The following KIAA0825 variants were observed in gnomAD, a reference collection of about 807,000 sequenced individuals.
KIAA0825 encodes KIAA0825.
In KIAA0825, 119 loss-of-function variants were observed where a neutral mutation model predicts 147.6. That is an observed-to-expected ratio of 0.81 (90% CI 0.69 to 0.94). The LOEUF (loss-of-function observed/expected upper bound fraction) is 0.94, where lower values mean the gene tolerates loss of function less well. KIAA0825 is among the 40% of genes least tolerant of loss of function. The pLI, the probability that KIAA0825 is intolerant of heterozygous loss-of-function variation, is 0.00. For missense variants in KIAA0825, 1,381 were observed against 1,472.7 expected (o/e 0.94, Z 1.02); for synonymous variants, 470 against 518.1 (o/e 0.91, Z 1.26).
At chr5:94,220,157 G>A (rs1773556099) in intron 20 of KIAA0825, among the ~76,000 whole-genome samples, 1 of 150,948 alleles carries the variant, frequency 6.6e-6, no homozygotes, top group African/African-American at 2.4e-5. Context: ...AATTTTTTTT[G>A]TTAAAAACTA....
chr5:94,588,457 T>C (rs555810768), intron 1 of KIAA0825, among the ~76,000 whole-genome samples: 1 of 152,270 alleles, frequency 6.6e-6, no homozygotes, highest in Non-Finnish European at 1.5e-5. Flanking sequence ...TCAATGGTCA[T>C]CAGAAAAATG....
At chr5:94,541,766 T>G (rs944310197) in intron 2 of KIAA0825, among the ~76,000 whole-genome samples, 2 of 152,216 alleles carry the variant, frequency 1.3e-5, no homozygotes, top group Non-Finnish European at 2.9e-5. Context: ...TTATTAAGAA[T>G]TCGGTTTGAC....
At chr5:94,270,513 T>G (rs1776936145) in intron 20 of KIAA0825, among the ~76,000 whole-genome samples, 1 of 151,748 alleles carries the variant, frequency 6.6e-6, no homozygotes, top group African/African-American at 2.4e-5. Flanking sequence ...TGGAACATAT[T>G]ATAAGGCCAT....
At chr5:94,257,645 T>TACATATC (rs1776310008) in intron 20 of KIAA0825, among the ~76,000 whole-genome samples, 1 of 152,090 alleles carries the variant, frequency 6.6e-6, no homozygotes, top group South Asian at 2.1e-4. Context: ...ATATCCCAGG[T>TACATATC]CTATACAAAC....
chr5:94,422,222 A>T (rs1190273699), intron 14 of KIAA0825, among the ~76,000 whole-genome samples: 1 of 152,142 alleles, frequency 6.6e-6, no homozygotes, highest in Non-Finnish European at 1.5e-5. Context: ...ACTTTCCTCT[A>T]AAGTAGGTCA....
intron 20 of KIAA0825, among the ~76,000 whole-genome samples, chr5:94,328,810 T>C (rs1475309154): frequency 6.6e-6 from 1 of 152,088 alleles, no homozygotes; most frequent in Non-Finnish European, 1.5e-5. Context: ...TTAAATCTTT[T>C]CAAATGTTAA....
In KIAA0825 at chr5:94,429,302, C is replaced by T. The variant is rs546588173; in HGVS notation, c.2497+10680G>A. ...CAAAATTCTTGTGCTGTTTCCTTCT[C>T]ATCTGGAGATGTTGGCATTTCTAAT... On this transcript the variant is annotated intron_variant, in intron 14 of 20. Coordinates refer to ENST00000682413, the MANE Select transcript of KIAA0825 (RefSeq NM_001145678.3). Among the ~76,000 whole-genome samples the T allele has an allele frequency of 2.6e-5, 4 of 152,242 alleles. No individual in the cohort carries two copies. In the South Asian group the frequency reaches 6.2e-4, roughly 24 times the overall value.
chr5:94,499,790 C>T (rs1160782517), intron 5 of KIAA0825, among the ~76,000 whole-genome samples: 2 of 152,112 alleles, frequency 1.3e-5, no homozygotes, highest in Non-Finnish European at 2.9e-5. Flanking sequence ...ATATATTAGG[C>T]AGTGAATTAG....
intron 20 of KIAA0825, among the ~76,000 whole-genome samples, chr5:94,373,327 T>C (rs1746999699): frequency 6.6e-6 from 1 of 152,188 alleles, no homozygotes; most frequent in African/African-American, 2.4e-5. Flanking sequence ...TTTACTGTAT[T>C]AGTTCCTTCT....
intron 1 of KIAA0825, among the ~76,000 whole-genome samples, chr5:94,583,578 T>C (rs189956058): frequency 1.4e-4 from 22 of 152,296 alleles, no homozygotes; most frequent in Admixed American, 1.4e-3. Flanking sequence ...CCTCTCTAGA[T>C]TCCACCTCTG....
At chr5:94,422,885 A>C (rs1314693636) in intron 14 of KIAA0825, among the ~76,000 whole-genome samples, 1 of 152,132 alleles carries the variant, frequency 6.6e-6, no homozygotes, top group Non-Finnish European at 1.5e-5. Context: ...CTGGACTCTT[A>C]TATGTTCTTC....
chr5:94,509,120 TTATCAGA>T (rs1225012824), intron 5 of KIAA0825, among the ~76,000 whole-genome samples: 4 of 152,180 alleles, frequency 2.6e-5, no homozygotes, highest in Non-Finnish European at 5.9e-5. Context: ...ATTGACAAGT[TTATCAGA>T]TATACTGATC....
At chr5:94,536,742 C>G (rs917517664) in intron 3 of KIAA0825, among the ~76,000 whole-genome samples, 6 of 152,140 alleles carry the variant, frequency 3.9e-5, no homozygotes, top group African/African-American at 1.4e-4. Flanking sequence ...TCTAAGAAAA[C>G]ATTAGTGCCA....
chr5:94,359,593 T>TA (rs1279424503), intron 20 of KIAA0825, among the ~76,000 whole-genome samples: 2 of 151,954 alleles, frequency 1.3e-5, no homozygotes, highest in African/African-American at 4.8e-5. Context: ...CTCCATCTCT[T>TA]AAAAAAATAA....
chr5:94,155,781 GA>G (rs980747407), intron 20 of KIAA0825, among the ~76,000 whole-genome samples: 1 of 152,132 alleles, frequency 6.6e-6, no homozygotes, highest in Non-Finnish European at 1.5e-5. Context: ...CCATATGGTT[GA>G]AGTTAGGTCA....
chr5:94,275,110 A>G (rs758508971), intron 20 of KIAA0825, among the ~76,000 whole-genome samples: 1 of 152,204 alleles, frequency 6.6e-6, no homozygotes, highest in Non-Finnish European at 1.5e-5. Flanking sequence ...AATACAGTAT[A>G]TTCAATCTAA....
chr5:94,205,513 G>A (rs1260135232), intron 20 of KIAA0825, among the ~76,000 whole-genome samples: 6 of 151,734 alleles, frequency 4.0e-5, no homozygotes, highest in African/African-American at 7.2e-5. Flanking sequence ...GGATGGTCTC[G>A]ATCTCCTGAC....
chr5:94,409,833 C>T (rs1056917182), intron 15 of KIAA0825, among the ~76,000 whole-genome samples: 1 of 152,178 alleles, frequency 6.6e-6, no homozygotes, highest in African/African-American at 2.4e-5. Flanking sequence ...AAACAACTAA[C>T]TCTCAAGATG....
At chr5:94,394,107 C>G (rs1750304693) in intron 17 of KIAA0825, among the ~76,000 whole-genome samples, 2 of 152,042 alleles carry the variant, frequency 1.3e-5, no homozygotes, top group Non-Finnish European at 2.9e-5. Context: ...CTGCCTTAGC[C>G]TCCCAAAATG....
Sources: allele counts gnomAD v4.1 joint callset (sites outside exome capture counted in the v4.1 genomes callset), GRCh38; gene constraint gnomAD v4.1.1; transcripts MANE v1.5; gene names NCBI Gene and HGNC (gene_info 2026-07-23, HGNC 2026-07-21).